Variants in MAST4 observed in about 807,000 individuals in gnomAD.
MAST4 encodes microtubule associated serine/threonine kinase family member 4.
A neutral mutation model predicts 162.7 loss-of-function variants in MAST4; 89 were observed. That is an observed-to-expected ratio of 0.55 (90% CI 0.46 to 0.65). MAST4 has a LOEUF of 0.65. MAST4 is among the 30% of genes least tolerant of loss of function. MAST4 has a pLI of 0.00. For missense variants in MAST4, 3,153 were observed against 3,374.0 expected (o/e 0.93, Z 1.62); for synonymous variants, 1,479 against 1,361.1 (o/e 1.09, Z -1.91).
chr5:66,639,356 TGGAGAA>T (rs1745336635), intron 1 of MAST4, among the ~76,000 whole-genome samples: 1 of 148,710 alleles, frequency 6.7e-6, no homozygotes, highest in African/African-American at 2.5e-5. Context: ...AAAAATTAGT[TGGAGAA>T]GGAAACATAG....
intron 5 of MAST4, among the ~76,000 whole-genome samples, chr5:67,077,367 T>C (rs1420028584): frequency 6.6e-6 from 1 of 152,126 alleles, no homozygotes; most frequent in Non-Finnish European, 1.5e-5. Context: ...CCTAGGCTAT[T>C]TTAATGTGAA....
intron 1 of MAST4, among the ~76,000 whole-genome samples, chr5:66,703,045 A>G (rs896334486): frequency 2.0e-5 from 3 of 152,160 alleles, no homozygotes; most frequent in African/African-American, 7.2e-5. Context: ...AGGATTCATT[A>G]TGGATTAAAT....
At chr5:66,894,314 A>G (rs953602677) in intron 3 of MAST4, among the ~76,000 whole-genome samples, 26 of 152,206 alleles carry the variant, frequency 1.7e-4, no homozygotes, top group Non-Finnish European at 3.5e-4. Flanking sequence ...CCTGGGTGAC[A>G]TTAATGTGTT....
chr5:66,596,514 T>G lies in MAST4; in HGVS notation c.-142T>G. The G allele has an allele frequency of 1.1e-5, 11 of 1,028,030 alleles. No homozygotes were observed. Among genetic ancestry groups the G allele is most frequent in the South Asian group, 3.3e-5 (1 of 30,122 alleles). The allele number at this position is 1,028,030 out of a possible 1,614,324, so 63.7% of individuals were successfully genotyped here. A position where few individuals can be genotyped will look rare whatever the true frequency, so the allele number is the denominator to read the frequency against. ...GGCTCCTGCGGCCCCGTCACTGCCA[T>G]GTAGTCGCTGGCGGGGCTCCCTGCA... On this transcript the variant is annotated 5_prime_UTR_variant, in exon 1 of 29. An upstream start codon of the reference 5' UTR is lost. Coordinates refer to ENST00000403625, the MANE Select transcript of MAST4 (RefSeq NM_001164664.2).
intron 1 of MAST4, among the ~76,000 whole-genome samples, chr5:66,687,735 A>G (rs1464794504): frequency 1.3e-5 from 2 of 152,072 alleles, no homozygotes; most frequent in African/African-American, 2.4e-5. Context: ...GGTTGAATCC[A>G]TGGCTTTGCT....
chr5:66,775,699 A>C (rs1050330336), intron 2 of MAST4, among the ~76,000 whole-genome samples: 8 of 152,048 alleles, frequency 5.3e-5, no homozygotes, highest in African/African-American at 1.9e-4. Context: ...CTTTGAAACC[A>C]GGCAGAATGG....
chr5:66,863,275 G>T (rs1387526863), intron 3 of MAST4, among the ~76,000 whole-genome samples: 2 of 152,200 alleles, frequency 1.3e-5, no homozygotes, highest in Non-Finnish European at 2.9e-5. Flanking sequence ...CAAATTGTTT[G>T]CCTCTTGTCC....
At chr5:66,993,678 T>G (rs1750290194) in intron 4 of MAST4, among the ~76,000 whole-genome samples, 1 of 152,192 alleles carries the variant, frequency 6.6e-6, no homozygotes, top group Non-Finnish European at 1.5e-5. Context: ...CAGAGCTTAC[T>G]GTGTCTGAGG....
At chr5:66,702,743 C>G (rs1331878616) in intron 1 of MAST4, among the ~76,000 whole-genome samples, 1 of 152,092 alleles carries the variant, frequency 6.6e-6, no homozygotes, top group Non-Finnish European at 1.5e-5. Context: ...AGAAAGTTAC[C>G]AGAGACCTAA....
intron 4 of MAST4, among the ~76,000 whole-genome samples, chr5:67,002,639 G>A (rs1397851184): frequency 6.6e-6 from 1 of 152,160 alleles, no homozygotes; most frequent in African/African-American, 2.4e-5. Context: ...ACATTTATGC[G>A]CAGTGTGTGT....
At chr5:66,605,008 G>C (rs1426084044) in intron 1 of MAST4, among the ~76,000 whole-genome samples, 1 of 152,234 alleles carries the variant, frequency 6.6e-6, no homozygotes, top group Non-Finnish European at 1.5e-5. Context: ...GAAATGGAAT[G>C]AAGTTGTGAT....
At chr5:66,889,716 A>C (rs1002550470) in intron 3 of MAST4, among the ~76,000 whole-genome samples, 2 of 152,188 alleles carry the variant, frequency 1.3e-5, no homozygotes, top group South Asian at 2.1e-4. Flanking sequence ...CAAGCAGTGC[A>C]CTTAAATAGT....
intron 4 of MAST4, among the ~76,000 whole-genome samples, chr5:67,034,887 C>G (rs561462662): frequency 6.6e-6 from 1 of 152,224 alleles, no homozygotes; most frequent in East Asian, 1.9e-4. Context: ...ATAGTATCTT[C>G]ATTGATGAGT....
chr5:66,998,284 C>A (rs537713019), intron 4 of MAST4, among the ~76,000 whole-genome samples: 1 of 152,198 alleles, frequency 6.6e-6, no homozygotes, highest in Non-Finnish European at 1.5e-5. Context: ...TCAAGAAGCA[C>A]CTTGTCCTTG....
chr5:66,759,956 G>A, intron 2 of MAST4, 94 bp downstream of exon 2: 1 of 1,361,826 alleles, frequency 7.3e-7, no homozygotes, highest in Non-Finnish European at 1.0e-6. Context: ...GCTTTCTTAA[G>A]AATGGGCCTG....
intron 5 of MAST4, among the ~76,000 whole-genome samples, chr5:67,075,387 C>G (rs909198874): frequency 2.0e-5 from 3 of 151,868 alleles, no homozygotes; most frequent in Non-Finnish European, 2.9e-5. Context: ...GTTACCCAGG[C>G]TGGTCTTGAA....
At chr5:66,887,301 C>G (rs190474) in intron 3 of MAST4, among the ~76,000 whole-genome samples, 69,784 of 151,958 alleles carry the variant, frequency 0.46, 16,463 homozygotes, top group East Asian at 0.67. Flanking sequence ...AACATTTGTT[C>G]ATTTTCTTTG....
chr5:66,661,473 C>T (rs1746906513), intron 1 of MAST4, among the ~76,000 whole-genome samples: 1 of 152,124 alleles, frequency 6.6e-6, no homozygotes, highest in Non-Finnish European at 1.5e-5. Flanking sequence ...CAAAGGAGTC[C>T]AGGGAATGTA....
intron 1 of MAST4, among the ~76,000 whole-genome samples, chr5:66,605,007 T>G (rs1461353907): frequency 6.6e-6 from 1 of 152,248 alleles, no homozygotes; most frequent in African/African-American, 2.4e-5. Context: ...TGAAATGGAA[T>G]GAAGTTGTGA....
Sources: gnomAD v4.1 joint callset for allele counts (sites outside exome capture counted in the v4.1 genomes callset) on GRCh38, gnomAD v4.1.1 for gene constraint, MANE v1.5 for transcripts, NCBI Gene and HGNC (gene_info 2026-07-23, HGNC 2026-07-21) for gene names.